Variants in NFASC observed in about 807,000 individuals in gnomAD.
NFASC encodes neurofascin, also known as neurofascin homolog.
A neutral mutation model predicts 147.5 loss-of-function variants in NFASC; 43 were observed. The observed-to-expected ratio is 0.29, with a 90% CI of 0.23 to 0.38. The LOEUF (loss-of-function observed/expected upper bound fraction) is 0.38. NFASC is among the 10% of genes least tolerant of loss of function. The probability of loss-of-function intolerance (pLI) is 1.00; values close to 1 mark genes in which losing one functional copy is unlikely to be tolerated. For synonymous variants in NFASC, 622 were observed against 665.5 expected (o/e 0.93, Z 1.01); for missense variants, 1,320 against 1,689.0 (o/e 0.78, Z 3.83).
intron 1 of NFASC, among the ~76,000 whole-genome samples, chr1:204,876,225 A>G (rs1281343755): frequency 6.6e-6 from 1 of 152,128 alleles, no homozygotes; most frequent in South Asian, 2.1e-4. Context: ...TATATGCCCC[A>G]TGTAACCACC....
intron 1 of NFASC, among the ~76,000 whole-genome samples, chr1:204,830,684 G>A (rs1474214412): frequency 1.3e-5 from 2 of 149,574 alleles, no homozygotes; most frequent in African/African-American, 5.0e-5. Flanking sequence ...AGAGAATTAT[G>A]CCAGTAAGGA....
At chr1:204,857,595 G>T (rs1026800329) in intron 1 of NFASC, among the ~76,000 whole-genome samples, 1 of 152,176 alleles carries the variant, frequency 6.6e-6, no homozygotes, top group African/African-American at 2.4e-5. Flanking sequence ...GGATCTCAAA[G>T]TCTGCTGACC....
intron 8 of NFASC, among the ~76,000 whole-genome samples, chr1:204,963,677 C>T (rs6685118): frequency 0.12 from 17,776 of 152,192 alleles, 1,317 homozygotes; most frequent in African/African-American, 0.19. Flanking sequence ...TGTCCTCAAT[C>T]CAGGGTAGGA....
intron 1 of NFASC, among the ~76,000 whole-genome samples, chr1:204,841,052 C>T (rs538886124): frequency 6.6e-6 from 1 of 152,220 alleles, no homozygotes; most frequent in African/African-American, 2.4e-5. Context: ...TAATGTTAAC[C>T]CTCTGACTCA....
chr1:204,933,565 C>G (rs556550823), intron 2 of NFASC, among the ~76,000 whole-genome samples: 1 of 152,184 alleles, frequency 6.6e-6, no homozygotes, highest in Admixed American at 6.5e-5. Context: ...AAGATGGGGC[C>G]TCAAAGTGAT....
In NFASC at chr1:204,914,043, T is replaced by C. The variant is rs570283909; in HGVS notation, c.-199-6589T>C. ...GATCCAATCAACTATGAAAAAAATT[T>C]CATGCATAATAAAAACACCACAAAT... is the stretch of plus-strand genomic sequence containing the variant. On this transcript the variant is annotated intron_variant, in intron 1 of 29. Coordinates refer to ENST00000339876, the MANE Select transcript of NFASC (RefSeq NM_001005388.3). 9.3e-4 allele frequency among the ~76,000 whole-genome samples: 142 copies of C among 152,156 alleles called. 1 individual carries two copies. Among genetic ancestry groups the C allele is most frequent in the African/African-American group, 3.3e-3 (137 of 41,504 alleles).
chr1:204,894,951 G>T (rs2083113457), intron 1 of NFASC, among the ~76,000 whole-genome samples: 1 of 152,152 alleles, frequency 6.6e-6, no homozygotes, highest in African/African-American at 2.4e-5. Flanking sequence ...TACTAACAGT[G>T]TTGCCTCCAA....
chr1:204,950,091 T>C (rs1261886807), intron 3 of NFASC, among the ~76,000 whole-genome samples: 1 of 152,212 alleles, frequency 6.6e-6, no homozygotes, highest in Non-Finnish European at 1.5e-5. Flanking sequence ...CCTTGGAGCT[T>C]TGCTCTGCAG....
At chr1:204,923,025 G>A (rs2090812877) in intron 2 of NFASC, among the ~76,000 whole-genome samples, 1 of 152,210 alleles carries the variant, frequency 6.6e-6, no homozygotes, top group African/African-American at 2.4e-5. Flanking sequence ...GTCCACAGAG[G>A]TTAAGGAACT....
At chr1:204,990,624 T>C (rs2095709960) in intron 23 of NFASC, 1 of 151,482 alleles carries the variant, frequency 6.6e-6, no homozygotes, top group African/African-American at 2.4e-5. Context: ...AAACTTGGGT[T>C]TCTAACTTCA....
chr1:204,947,114 G>A (rs2093800080), intron 3 of NFASC: 1 of 308,664 alleles, frequency 3.2e-6, no homozygotes, highest in Non-Finnish European at 6.4e-6. Context: ...AAAGAACGGG[G>A]AGAAGAAAAT....
Position 204,859,039 on chromosome 1 carries a change from G to T in NFASC, c.-200+30257G>T, listed in dbSNP as rs532296312. On this transcript the variant is annotated intron_variant, in intron 1 of 29. Coordinates refer to ENST00000339876, the MANE Select transcript of NFASC (RefSeq NM_001005388.3). ...GTCGCCCAGGCTGGAGTGCAGTGACGCAGTCTCGGCTCACTGCAGCCTCTG... is the reference window on the plus strand; with the variant it reads ...GTCGCCCAGGCTGGAGTGCAGTGACTCAGTCTCGGCTCACTGCAGCCTCTG... 8.0e-5 allele frequency among the ~76,000 whole-genome samples: 12 copies of T among 150,082 alleles called. No individual in the cohort carries two copies. The South Asian group carries it at 2.5e-3, about 32-fold the overall frequency.
At chr1:204,829,788 C>T (rs1671691737) in intron 1 of NFASC, among the ~76,000 whole-genome samples, 1 of 152,162 alleles carries the variant, frequency 6.6e-6, no homozygotes, top group African/African-American at 2.4e-5. Context: ...GGATGAGGAG[C>T]CCTGCTGGAG....
intron 1 of NFASC, among the ~76,000 whole-genome samples, chr1:204,878,743 G>A (rs891160425): frequency 6.6e-6 from 1 of 152,212 alleles, no homozygotes; most frequent in African/African-American, 2.4e-5. Flanking sequence ...GTAGCAGTTG[G>A]TGTGTTTTGG....
intron 1 of NFASC, among the ~76,000 whole-genome samples, chr1:204,857,647 A>G (rs1344272734): frequency 6.6e-6 from 1 of 152,090 alleles, no homozygotes. Context: ...GTGCCCCAAA[A>G]TGTCAGCTGG....
At chr1:205,001,408 GGCTTAA>G in intron 26 of NFASC, 122 bp downstream of exon 26, 2 of 668,172 alleles carry the variant, frequency 3.0e-6, no homozygotes, top group Non-Finnish European at 5.5e-6. Context: ...CTTTTAGCCT[GGCTTAA>G]TTATGGCTTA....
intron 16 of NFASC, 184 bp downstream of exon 16, chr1:204,976,979 C>T: frequency 1.5e-6 from 2 of 1,376,764 alleles, no homozygotes; most frequent in East Asian, 2.8e-5. Flanking sequence ...ACAAGCTGTG[C>T]TGGACAGGTT....
chr1:205,005,722 A>G (rs569230781), intron 27 of NFASC, among the ~76,000 whole-genome samples: 16 of 152,292 alleles, frequency 1.1e-4, no homozygotes, highest in Non-Finnish European at 2.1e-4. Flanking sequence ...TCCTTGAGAA[A>G]CTAAATCACT....
intron 27 of NFASC, chr1:205,009,230 G>A: frequency 2.3e-6 from 1 of 428,610 alleles, no homozygotes; most frequent in Non-Finnish European, 4.4e-6. Context: ...GTCCCCATTA[G>A]GCTGTGACCA....
Sources: allele counts gnomAD v4.1 joint callset (sites outside exome capture counted in the v4.1 genomes callset), GRCh38; gene constraint gnomAD v4.1.1; transcripts MANE v1.5; gene names NCBI Gene and HGNC (gene_info 2026-07-23, HGNC 2026-07-21).